Variants in BMP8B observed in about 807,000 individuals in gnomAD.
BMP8B encodes bone morphogenetic protein 8b.
BMP8B carries 17 observed loss-of-function variants against 30.3 expected under a neutral mutation model. That is an observed-to-expected ratio of 0.56 (90% CI 0.38 to 0.84). The LOEUF (loss-of-function observed/expected upper bound fraction) is 0.84, where lower values mean the gene tolerates loss of function less well. BMP8B is among the 40% of genes least tolerant of loss of function. BMP8B has a pLI of 0.00. For missense variants in BMP8B, 253 were observed against 494.6 expected (o/e 0.51, Z 4.63); for synonymous variants, 131 against 214.7 (o/e 0.61, Z 3.41).
chr1:39,784,727 C>T (rs1650864554), intron 1 of BMP8B, among the ~76,000 whole-genome samples: 2 of 122,392 alleles, frequency 1.6e-5, no homozygotes, highest in African/African-American at 5.5e-5. Context: ...CTGGCAAGGG[C>T]AGAGCAGGAC....
chr1:39,760,898 T>A (rs902097911), intron 6 of BMP8B, among the ~76,000 whole-genome samples: 1 of 152,036 alleles, frequency 6.6e-6, no homozygotes, highest in Non-Finnish European at 1.5e-5. Flanking sequence ...GTGGCCAGGT[T>A]TGTGCCCTTA....
chr1:39,780,237 G>A lies in BMP8B; in HGVS notation c.335-5199C>T, dbSNP rs374999700. ...AGGAAGTGGGACCATCGAGGGCCAT[G>A]GTGAAGGCGGCACCATGACAACACT... On this transcript the variant is annotated intron_variant, in intron 1 of 6. Transcript: ENST00000372827. 3.9e-5 allele frequency among the ~76,000 whole-genome samples: 6 copies of A among 152,292 alleles called. No homozygotes were observed. The East Asian group carries it at 1.2e-3, about 29-fold the overall frequency.
chr1:39,780,132 AC>A (rs1282838234), intron 1 of BMP8B, among the ~76,000 whole-genome samples: 1 of 152,288 alleles, frequency 6.6e-6, no homozygotes, highest in Admixed American at 6.5e-5. Flanking sequence ...GGGACCTATC[AC>A]CACTAGTGTC....
chr1:39,781,238 G>A (rs1005746843), intron 1 of BMP8B, among the ~76,000 whole-genome samples: 2 of 152,148 alleles, frequency 1.3e-5, no homozygotes, highest in African/African-American at 4.8e-5. Flanking sequence ...CCACACCCAG[G>A]TCTTGCAGCC....
chr1:39,770,754 C>T (rs1312803048), intron 3 of BMP8B: 4 of 959,132 alleles, frequency 4.2e-6, no homozygotes, highest in Non-Finnish European at 1.5e-6. Context: ...GGGGCGCCCC[C>T]TTCCTGGACC....
intron 1 of BMP8B, among the ~76,000 whole-genome samples, chr1:39,777,043 G>T (rs1162380028): frequency 6.6e-6 from 1 of 152,162 alleles, no homozygotes; most frequent in Non-Finnish European, 1.5e-5. Context: ...CTTTGAGAAA[G>T]AAAAAGATTA....
intron 1 of BMP8B, among the ~76,000 whole-genome samples, chr1:39,784,135 CCT>C (rs1053085275): frequency 1.3e-5 from 2 of 152,184 alleles, no homozygotes; most frequent in Non-Finnish European, 2.9e-5. Flanking sequence ...GCCTCTCTCT[CCT>C]CTCTTTCAAA....
At chr1:39,775,196 G>A (rs1466228229) in intron 1 of BMP8B, among the ~76,000 whole-genome samples, 158 bp from the exon 2 acceptor site, 3 of 152,228 alleles carry the variant, frequency 2.0e-5, no homozygotes, top group African/African-American at 7.2e-5. Flanking sequence ...GCAAACGTTT[G>A]TTCCAGGCTT....
At chr1:39,771,372 C>G in intron 3 of BMP8B, 1 of 810,458 alleles carries the variant, frequency 1.2e-6, no homozygotes, top group Non-Finnish European at 1.8e-6. Context: ...CAGCAGGTCT[C>G]CCCGGCCAGG....
At position 39,788,136 on chromosome 1, in the gene BMP8B, G is replaced by A. The variant is rs772007607; in HGVS notation, c.334+16C>T. On this transcript the variant is annotated intron_variant, in intron 1 of 6. Coordinates refer to ENST00000372827, the MANE Select transcript of BMP8B (RefSeq NM_001720.5). This position sits in a 1 kb window ranked among gnomAD's most constrained non-coding sequence, Gnocchi z 5.8. ...CAGCTTACTCCGAGGGTCCCCGCGC[G>A]GGCGGCCGCACTCACCCATGTTAAC... 7.1e-6 allele frequency: 11 copies of A among 1,547,826 alleles called. No individual in the cohort carries two copies. In the African/African-American group the frequency reaches 9.0e-5, roughly 13 times the overall value.
At chr1:39,768,705 A>G (rs1649756865) in intron 3 of BMP8B, among the ~76,000 whole-genome samples, 1 of 148,534 alleles carries the variant, frequency 6.7e-6, no homozygotes, top group African/African-American at 2.5e-5. Flanking sequence ...AAATATATAT[A>G]CAAAAATTAG....
At chr1:39,762,953 C>T (rs1002819093) in intron 6 of BMP8B, 139 bp downstream of exon 6, 33 of 1,090,308 alleles carry the variant, frequency 3.0e-5, no homozygotes, top group Non-Finnish European at 4.3e-5. Context: ...GGGAAGTTAG[C>T]GACGTTACTG....
intron 3 of BMP8B, among the ~76,000 whole-genome samples, chr1:39,766,713 A>G (rs1451317953): frequency 7.0e-6 from 1 of 143,344 alleles, no homozygotes; most frequent in African/African-American, 2.8e-5. Context: ...TGCAGATGCT[A>G]ACATGGGAAG....
chr1:39,762,996 C>G, intron 6 of BMP8B, 96 bp downstream of exon 6: 1 of 1,430,756 alleles, frequency 7.0e-7, no homozygotes, highest in African/African-American at 1.4e-5. Context: ...AGACGCGGAG[C>G]AGGTGGCCTC....
At chr1:39,761,956 G>A (rs1649048529) in intron 6 of BMP8B, among the ~76,000 whole-genome samples, 1 of 152,244 alleles carries the variant, frequency 6.6e-6, no homozygotes, top group African/African-American at 2.4e-5. Context: ...AGGGGCAAGG[G>A]CAGAGGAGAT....
At chr1:39,784,610 T>TC in intron 1 of BMP8B, among the ~76,000 whole-genome samples, 1 of 112,990 alleles carries the variant, frequency 8.9e-6, no homozygotes, top group South Asian at 3.3e-4. Flanking sequence ...GCTACAGAAC[T>TC]ATTTGCTGAA....
intron 1 of BMP8B, among the ~76,000 whole-genome samples, chr1:39,782,462 T>A (rs1429627373): frequency 3.0e-5 from 3 of 100,102 alleles, no homozygotes; most frequent in South Asian, 3.1e-4. Flanking sequence ...ACACTTGCTT[T>A]GTTTTTGTTT....
chr1:39,776,610 C>T (rs1020599974), intron 1 of BMP8B, among the ~76,000 whole-genome samples: 1 of 152,114 alleles, frequency 6.6e-6, no homozygotes, highest in African/African-American at 2.4e-5. Context: ...CGTGTGTGGG[C>T]AGGAGGAGGT....
intron 3 of BMP8B, chr1:39,765,072 GACAGCTGCGTC>G: frequency 1.5e-6 from 1 of 668,220 alleles, no homozygotes; most frequent in East Asian, 2.7e-5. Flanking sequence ...TGTTATTAGT[GACAGCTGCGTC>G]ACAAATAATA....
Sources: gnomAD v4.1 joint callset for allele counts (sites outside exome capture counted in the v4.1 genomes callset) on GRCh38, gnomAD v4.1.1 for gene constraint, Gnocchi (gnomAD v3.1) non-coding constraint, MANE v1.5 for transcripts, NCBI Gene and HGNC (gene_info 2026-07-23, HGNC 2026-07-21) for gene names.